The following ROBO1 variants were observed in gnomAD, a reference collection of about 807,000 sequenced individuals.
The protein encoded by ROBO1 is roundabout homolog 1.
A neutral mutation model predicts 195.9 loss-of-function variants in ROBO1; 149 were observed. The observed-to-expected ratio is 0.76, with a 90% CI of 0.67 to 0.87. The LOEUF (loss-of-function observed/expected upper bound fraction) is 0.87. Ranked by LOEUF, ROBO1 falls within the 40% of genes least tolerant of loss-of-function variation. The pLI is 0.00. For synonymous variants in ROBO1, 816 were observed against 733.2 expected (o/e 1.11, Z -1.82); for missense variants, 1,933 against 2,068.3 (o/e 0.93, Z 1.27).
chr3:79,160,891 T>C (rs2080946961), intron 2 of ROBO1, among the ~76,000 whole-genome samples: 1 of 152,038 alleles, frequency 6.6e-6, no homozygotes. Flanking sequence ...AATATTAACG[T>C]TACACAAAGT....
intron 3 of ROBO1, among the ~76,000 whole-genome samples, chr3:79,103,229 A>G (rs1232187289): frequency 6.6e-6 from 1 of 151,824 alleles, no homozygotes; most frequent in Admixed American, 6.6e-5. Flanking sequence ...GCATATTTTA[A>G]TTGAAAAACA....
chr3:78,634,492 G>A (rs746704361), intron 23 of ROBO1: 27 of 364,296 alleles, frequency 7.4e-5, no homozygotes, highest in Admixed American at 1.3e-4. Flanking sequence ...ATAATCTGTC[G>A]TCTAGTTGCA....
intron 2 of ROBO1, among the ~76,000 whole-genome samples, chr3:79,197,420 T>C (rs2081659592): frequency 6.6e-6 from 1 of 152,126 alleles, no homozygotes; most frequent in Non-Finnish European, 1.5e-5. Context: ...TGCCACATTT[T>C]CTTTATCCAG....
At chr3:78,705,878 G>C (rs1439597824) in intron 8 of ROBO1, among the ~76,000 whole-genome samples, 1 of 152,092 alleles carries the variant, frequency 6.6e-6, no homozygotes, top group Non-Finnish European at 1.5e-5. Flanking sequence ...TCACCTTGTA[G>C]ATGGCAGATG....
intron 2 of ROBO1, among the ~76,000 whole-genome samples, chr3:79,459,174 T>C (rs1230208820): frequency 6.6e-6 from 1 of 151,472 alleles, no homozygotes; most frequent in African/African-American, 2.4e-5. Flanking sequence ...AATAAACATG[T>C]TCCTATGTTC....
At chr3:78,699,951 A>T (rs2107929424) in intron 8 of ROBO1, among the ~76,000 whole-genome samples, 1 of 152,318 alleles carries the variant, frequency 6.6e-6, no homozygotes, top group East Asian at 1.9e-4. Flanking sequence ...TCAGAATGCT[A>T]CCTATTTTCA....
chr3:78,668,673 A>G, intron 11 of ROBO1, 108 bp from the exon 12 acceptor site: 1 of 866,706 alleles, frequency 1.2e-6, no homozygotes, highest in Admixed American at 2.7e-5. Context: ...AACTGCATTA[A>G]AATTCACTAA....
At chr3:79,748,110 T>G (rs1703954308) in intron 1 of ROBO1, among the ~76,000 whole-genome samples, 1 of 152,150 alleles carries the variant, frequency 6.6e-6, no homozygotes, top group African/African-American at 2.4e-5. Context: ...TCTAGAAAAT[T>G]TTCTGCTTTT....
At chr3:79,075,524 G>A (rs1256258678) in intron 3 of ROBO1, among the ~76,000 whole-genome samples, 5 of 151,946 alleles carry the variant, frequency 3.3e-5, no homozygotes, top group Admixed American at 3.3e-4. Context: ...AAGTAATGGT[G>A]TTTAGAGTAG....
chr3:79,198,424 T>A (rs2081686908), intron 2 of ROBO1, among the ~76,000 whole-genome samples: 1 of 152,102 alleles, frequency 6.6e-6, no homozygotes, highest in Admixed American at 6.6e-5. Context: ...AGTACCATGA[T>A]GTTTTGGTTA....
intron 1 of ROBO1, among the ~76,000 whole-genome samples, chr3:79,620,531 ACT>A (rs35850219): frequency 0.57 from 86,368 of 151,114 alleles, 26,089 homozygotes; most frequent in East Asian, 0.89. Context: ...ATTCTTTTAT[ACT>A]CTCTTTTTTA....
intron 2 of ROBO1, among the ~76,000 whole-genome samples, chr3:79,282,119 C>T (rs1387177621): frequency 6.6e-6 from 1 of 151,920 alleles, no homozygotes; most frequent in Non-Finnish European, 1.5e-5. Flanking sequence ...GTGGTACATG[C>T]TACGAAAAAA....
Position 79,724,446 on chromosome 3 carries a change from C to G in ROBO1, c.-51+43306G>C, listed in dbSNP as rs187939914. Among the ~76,000 whole-genome samples the G allele has an allele frequency of 1.3e-4, 20 of 152,272 alleles. No homozygotes were observed. The South Asian group carries it at 3.5e-3, about 27-fold the overall frequency. On this transcript the variant is annotated intron_variant, in intron 1 of 30. Transcript: ENST00000464233. ...TAACTTGCTTCTAATCAACAGAATACGGCAACGTTGAAGGGGATGGCCTGT... is the reference window on the plus strand; with the variant it reads ...TAACTTGCTTCTAATCAACAGAATAGGGCAACGTTGAAGGGGATGGCCTGT...
chr3:79,760,259 A>AAAAAAAAAAAAAC, intron 1 of ROBO1, among the ~76,000 whole-genome samples: 1 of 146,064 alleles, frequency 6.8e-6, no homozygotes, highest in Non-Finnish European at 1.5e-5. Context: ...AAAAAAAAAA[A>AAAAAAAAAAAAAC]AAAAAAAAAA....
At chr3:78,644,978 T>C (rs539878801) in intron 21 of ROBO1, among the ~76,000 whole-genome samples, 50 of 152,272 alleles carry the variant, frequency 3.3e-4, no homozygotes, top group African/African-American at 1.0e-3. Context: ...CCAGAGGCTC[T>C]TTCATGAATG....
intron 3 of ROBO1, among the ~76,000 whole-genome samples, chr3:79,110,205 G>C (rs1342360637): frequency 1.3e-5 from 2 of 152,038 alleles, no homozygotes; most frequent in South Asian, 2.1e-4. Flanking sequence ...CTAAATGTAA[G>C]TTATTACAGT....
intron 1 of ROBO1, among the ~76,000 whole-genome samples, chr3:79,712,686 G>GA (rs925999204): frequency 8.6e-5 from 13 of 151,740 alleles, no homozygotes; most frequent in African/African-American, 1.9e-4. Context: ...CCTTCAACTG[G>GA]AAAAAAAATG....
chr3:79,418,110 G>T (rs1452582791), intron 2 of ROBO1, among the ~76,000 whole-genome samples: 1 of 152,032 alleles, frequency 6.6e-6, no homozygotes, highest in Non-Finnish European at 1.5e-5. Flanking sequence ...CAGCATGGTG[G>T]AATAAACACT....
At position 78,713,588 on chromosome 3, in the gene ROBO1, G is replaced by C. The variant is rs557796725; in HGVS notation, c.1045+809C>G. ...TAAAAAGAAAAAAAAATAGAGGAAAGTTCTCAAATGGGATATAGTGAGAAA... is the reference window on the plus strand; with the variant it reads ...TAAAAAGAAAAAAAAATAGAGGAAACTTCTCAAATGGGATATAGTGAGAAA... On this transcript the variant is annotated intron_variant, in intron 8 of 30. Transcript: ENST00000464233. Among the ~76,000 whole-genome samples, 3 of 152,170 alleles carry C rather than the reference G, an allele frequency of 2.0e-5. No homozygotes were observed. The East Asian group carries it at 5.8e-4, about 29-fold the overall frequency.
Sources: allele counts gnomAD v4.1 joint callset (sites outside exome capture counted in the v4.1 genomes callset), GRCh38; gene constraint gnomAD v4.1.1; transcripts MANE v1.5; gene names NCBI Gene and HGNC (gene_info 2026-07-23, HGNC 2026-07-21).